Variants in PCDHGB5 observed in about 807,000 individuals in gnomAD.
PCDHGB5 encodes protocadherin gamma-B5.
PCDHGB5 carries 48 observed loss-of-function variants against 62.9 expected under a neutral mutation model. That is an observed-to-expected ratio of 0.76 (90% CI 0.61 to 0.97). PCDHGB5 has a LOEUF of 0.97. PCDHGB5 is among the 50% of genes least tolerant of loss of function. PCDHGB5 has a pLI of 0.00. For synonymous variants in PCDHGB5, 474 were observed against 511.2 expected, an observed-to-expected ratio of 0.93 and a Z score of 0.98; for missense variants, 1,118 against 1,198.6, an observed-to-expected ratio of 0.93 and a Z score of 0.99.
Position 141,491,925 on chromosome 5 carries a change from G to C in PCDHGB5, c.2398-2882G>C. On this transcript the variant is annotated intron_variant, in intron 1 of 3. Coordinates refer to ENST00000617380, the MANE Select transcript of PCDHGB5 (RefSeq NM_018925.3). This position sits in a 1 kb window ranked among gnomAD's most constrained non-coding sequence, Gnocchi z 6.9. ...GGGTGGTGGCGACTGTGGGCGAGGG[G>C]AGGTGGGACCGACCCCCACCCCTAC... 1 of 1,325,176 alleles carries C rather than the reference G, an allele frequency of 7.5e-7. No individual in the cohort carries two copies. Among genetic ancestry groups the C allele is most frequent in the Non-Finnish European group, 1.0e-6 (1 of 987,300 alleles). The allele number at this position is 1,325,176 out of a possible 1,614,324, so 82.1% of individuals were successfully genotyped here.
chr5:141,463,359 T>C (rs2099057442), intron 1 of PCDHGB5, among the ~76,000 whole-genome samples: 2 of 151,672 alleles, frequency 1.3e-5, no homozygotes, highest in Admixed American at 6.6e-5. Flanking sequence ...GGATTTCCCC[T>C]TTCCTGCCCC....
intron 1 of PCDHGB5, chr5:141,478,917 T>A: frequency 1.3e-6 from 1 of 772,666 alleles, no homozygotes; most frequent in Middle Eastern, 3.9e-4. Flanking sequence ...TGGATACCTC[T>A]AACCAGTGGC....
rs1416755901 is a variant in PCDHGB5 at position 141,489,721 on chromosome 5, G to C, written c.2398-5086G>C. The C allele has an allele frequency of 6.2e-7, 1 of 1,614,016 alleles. No homozygotes were observed. The highest frequency in any genetic ancestry group is 8.5e-7 in the Non-Finnish European group (1 of 1,179,966). On this transcript the variant is annotated intron_variant, in intron 1 of 3. Coordinates refer to ENST00000617380, the MANE Select transcript of PCDHGB5 (RefSeq NM_018925.3). The surrounding 1 kb of genome is among the most constrained non-coding windows in gnomAD (Gnocchi z 4.5). ...CCCACTGGACAGTGCCCAGGATCCGGATGTGGGCACCAATACTGTGAGCTT... is the reference window on the plus strand; with the variant it reads ...CCCACTGGACAGTGCCCAGGATCCGCATGTGGGCACCAATACTGTGAGCTT...
At chr5:141,423,642 T>C (rs1293550754) in intron 1 of PCDHGB5, 2 of 1,596,770 alleles carry the variant, frequency 1.3e-6, no homozygotes, top group African/African-American at 2.7e-5. Flanking sequence ...TAGGCAAATG[T>C]GACCCGACAA....
chr5:141,419,391 G>A, intron 1 of PCDHGB5: 1 of 1,613,630 alleles, frequency 6.2e-7, no homozygotes. Flanking sequence ...AGCGCGCAGA[G>A]CGGGGTGGTG....
At position 141,481,468 on chromosome 5, in the gene PCDHGB5, G is replaced by A. The variant is rs575259839; in HGVS notation, c.2398-13339G>A. Among the ~76,000 whole-genome samples the A allele has an allele frequency of 2.6e-5, 4 of 152,332 alleles. No homozygotes were observed. In the South Asian group the frequency reaches 8.3e-4, roughly 32 times the overall value. On this transcript the variant is annotated intron_variant, in intron 1 of 3. Transcript: ENST00000617380. Reference sequence around the variant, plus strand: ...CATGTAAATACACTGAAAACCATTGGATTATACACTTTAAATATGTGATTT... The same window carrying A: ...CATGTAAATACACTGAAAACCATTGAATTATACACTTTAAATATGTGATTT...
Position 141,491,279 on chromosome 5 carries a change from T to G in PCDHGB5, c.2398-3528T>G. 1 of 1,614,110 alleles carries G rather than the reference T, an allele frequency of 6.2e-7. No individual in the cohort carries two copies. The highest frequency in any genetic ancestry group is 2.2e-5 in the East Asian group (1 of 44,878). ...GAGGAAATGCCCAAATCCAGTGACT[T>G]CCTCATACACCCTCCTGAGCGTTCA... On this transcript the variant is annotated intron_variant, in intron 1 of 3. Transcript: ENST00000617380. The surrounding 1 kb of genome is among the most constrained non-coding windows in gnomAD (Gnocchi z 6.9).
At chr5:141,436,752 A>G (rs2097844842) in intron 1 of PCDHGB5, among the ~76,000 whole-genome samples, 2 of 152,194 alleles carry the variant, frequency 1.3e-5, no homozygotes, top group South Asian at 4.1e-4. Context: ...GCTTCTCCAT[A>G]TGGTATAATG....
intron 1 of PCDHGB5, chr5:141,430,655 G>T (rs1309165721): frequency 1.6e-5 from 17 of 1,084,938 alleles, no homozygotes; most frequent in Non-Finnish European, 2.2e-5. Flanking sequence ...TGGAAACAAC[G>T]GAGGAGCTCT....
chr5:141,487,803 A>G lies in PCDHGB5; in HGVS notation c.2398-7004A>G. On this transcript the variant is annotated intron_variant, in intron 1 of 3. Transcript: ENST00000617380. The surrounding 1 kb of genome is among the most constrained non-coding windows in gnomAD (Gnocchi z 5.0). ...TTCGTGAATTAACCAGAGTTGTCAC[A>G]GTTTAGCATTGGGGGCGGGTCATGC... 2.0e-6 allele frequency: 3 copies of G among 1,466,166 alleles called. No individual in the cohort carries two copies. The highest frequency in any genetic ancestry group is 2.8e-6 in the Non-Finnish European group (3 of 1,084,448). The allele number at this position is 1,466,166 out of a possible 1,614,324, so 90.8% of individuals were successfully genotyped here. A position where few individuals can be genotyped will look rare whatever the true frequency, so the allele number is the denominator to read the frequency against.
intron 1 of PCDHGB5, chr5:141,413,459 A>G: frequency 6.2e-7 from 1 of 1,614,080 alleles, no homozygotes; most frequent in Non-Finnish European, 8.5e-7. Flanking sequence ...GGCAGGATAG[A>G]CCGGGAGGAG....
intron 1 of PCDHGB5, among the ~76,000 whole-genome samples, chr5:141,481,223 A>C (rs935737972): frequency 3.3e-5 from 5 of 152,242 alleles, no homozygotes; most frequent in Non-Finnish European, 7.3e-5. Context: ...AAGGTCTCCC[A>C]GCCTTAAAGT....
chr5:141,454,796 A>ATTTTTCT (rs2098799790), intron 1 of PCDHGB5, among the ~76,000 whole-genome samples: 1 of 77,408 alleles, frequency 1.3e-5, no homozygotes, highest in African/African-American at 5.9e-5. Context: ...CATGGTTCTA[A>ATTTTTCT]TTTTTTTTTT....
intron 2 of PCDHGB5, among the ~76,000 whole-genome samples, chr5:141,501,847 C>T (rs976699397): frequency 1.3e-5 from 2 of 152,140 alleles, no homozygotes; most frequent in Admixed American, 6.5e-5. Context: ...GGCCCTCAAC[C>T]TTCAACCATT....
intron 1 of PCDHGB5, chr5:141,440,945 A>T (rs1210278728): frequency 2.6e-5 from 4 of 152,234 alleles, no homozygotes; most frequent in African/African-American, 9.7e-5. Flanking sequence ...CCAGGACTAG[A>T]GTGTCAAGGC....
At chr5:141,455,103 C>T (rs1319698016) in intron 1 of PCDHGB5, among the ~76,000 whole-genome samples, 1 of 151,862 alleles carries the variant, frequency 6.6e-6, no homozygotes, top group South Asian at 2.1e-4. Flanking sequence ...TGAGCCACTG[C>T]GCCCGGTGGG....
At chr5:141,415,176 C>G (rs773987499) in intron 1 of PCDHGB5, 17 of 1,613,816 alleles carry the variant, frequency 1.1e-5, no homozygotes, top group Non-Finnish European at 5.1e-6. Flanking sequence ...TCACCGTGGC[C>G]GTGGCCGACA....
chr5:141,413,013 C>A, intron 1 of PCDHGB5: 2 of 661,008 alleles, frequency 3.0e-6, no homozygotes, highest in Admixed American at 6.8e-5. Context: ...GCTTCAACTA[C>A]ACAAGCCCCA....
chr5:141,404,942 A>G, intron 1 of PCDHGB5: 2 of 1,613,982 alleles, frequency 1.2e-6, no homozygotes, highest in South Asian at 1.1e-5. Context: ...CACAGTAGCC[A>G]TAGCTGACAG....
Sources: allele counts gnomAD v4.1 joint callset (sites outside exome capture counted in the v4.1 genomes callset), GRCh38; gene constraint gnomAD v4.1.1; non-coding constraint Gnocchi (gnomAD v3.1); transcripts MANE v1.5; gene names NCBI Gene and HGNC (gene_info 2026-07-23, HGNC 2026-07-21).